TENM2: variants seen among roughly 807,000 people sequenced by gnomAD.
TENM2 encodes the protein teneurin transmembrane protein 2, also known as teneurin-2.
Under a neutral mutation model 245.2 loss-of-function variants are expected in TENM2, and 52 were observed. The observed-to-expected ratio is 0.21, with a 90% CI of 0.17 to 0.27. The LOEUF (loss-of-function observed/expected upper bound fraction) is 0.27, where lower values mean the gene tolerates loss of function less well. Ranked by LOEUF, TENM2 falls within the 10% of genes least tolerant of loss-of-function variation. The pLI is 1.00. For missense variants in TENM2, 3,046 were observed against 3,666.8 expected (o/e 0.83, Z 4.37); for synonymous variants, 1,363 against 1,438.9 (o/e 0.95, Z 1.19).
the TENM2 span, among the ~76,000 whole-genome samples, chr5:166,979,786 G>T: frequency 4.3e-4 from 65 of 152,236 alleles, no homozygotes; most frequent in Non-Finnish European, 7.2e-4. Context: ...GAGTTTCAGG[G>T]GGGGAGGGGA....
At chr5:168,094,120 C>T (rs1460062305) in intron 8 of TENM2, among the ~76,000 whole-genome samples, 4 of 149,434 alleles carry the variant, frequency 2.7e-5, no homozygotes, top group South Asian at 2.1e-4. Flanking sequence ...CAGTTCAGAT[C>T]GAGAGCTTGG....
the TENM2 span, among the ~76,000 whole-genome samples, chr5:167,091,073 TAACAG>T: frequency 9.9e-5 from 15 of 152,260 alleles, no homozygotes; most frequent in African/African-American, 2.9e-4. Context: ...AAATGGGAAA[TAACAG>T]AAGGAGAAAC....
chr5:167,601,268 C>A (rs912919694), intron 2 of TENM2, among the ~76,000 whole-genome samples: 1 of 152,250 alleles, frequency 6.6e-6, no homozygotes, highest in Non-Finnish European at 1.5e-5. Context: ...TCTAAACTCA[C>A]ATTTCTAAGA....
chr5:167,863,424 G>A (rs888908399), intron 2 of TENM2, among the ~76,000 whole-genome samples: 1 of 151,516 alleles, frequency 6.6e-6, no homozygotes, highest in East Asian at 1.9e-4. Context: ...AGACCAGTCT[G>A]GCCAACATGG....
intron 3 of TENM2, among the ~76,000 whole-genome samples, chr5:167,943,725 C>T (rs1006078498): frequency 2.4e-4 from 37 of 152,144 alleles, no homozygotes; most frequent in African/African-American, 8.0e-4. Context: ...ATCAACATAA[C>T]GTCTGGGCAT....
chr5:167,740,044 A>C (rs1761066407), intron 2 of TENM2, among the ~76,000 whole-genome samples: 1 of 152,184 alleles, frequency 6.6e-6, no homozygotes, highest in Non-Finnish European at 1.5e-5. Context: ...ATGTTTCATT[A>C]GTGAGTGGTG....
the TENM2 span, among the ~76,000 whole-genome samples, chr5:167,175,005 T>C: frequency 5.3e-3 from 810 of 152,290 alleles, 5 homozygotes; most frequent in African/African-American, 0.018. Context: ...AGTATCTTTT[T>C]CTTTTTTAAA....
upstream of TENM2, among the ~76,000 whole-genome samples, chr5:167,281,279 T>TA (rs1771052091): frequency 6.6e-6 from 1 of 151,590 alleles, no homozygotes; most frequent in Admixed American, 6.6e-5. Flanking sequence ...GGCTATTTTT[T>TA]TTTTTTTTTG....
chr5:167,016,008 A>G, the TENM2 span, among the ~76,000 whole-genome samples: 1 of 152,062 alleles, frequency 6.6e-6, no homozygotes, highest in Admixed American at 6.6e-5. Context: ...TAATCCCAGC[A>G]CTTTGGGAGG....
At chr5:167,091,478 G>A in the TENM2 span, among the ~76,000 whole-genome samples, 1 of 152,104 alleles carries the variant, frequency 6.6e-6, no homozygotes, top group Non-Finnish European at 1.5e-5. Flanking sequence ...ATGTCAAATT[G>A]TAGGCATATA....
exon 10 of TENM2, chr5:168,118,471 G>A (rs371610632): frequency 5.1e-6 from 8 of 1,557,740 alleles, no homozygotes; most frequent in East Asian, 4.5e-5. Context: ...CTACAAAGGC[G>A]AGCACTGTGA....
At chr5:168,252,785 T>C (rs1371197133) in intron 27 of TENM2, among the ~76,000 whole-genome samples, 1 of 150,640 alleles carries the variant, frequency 6.6e-6, no homozygotes, top group Non-Finnish European at 1.5e-5. Context: ...AGGCAGAGAT[T>C]GCAGTGAGCT....
At chr5:167,335,535 G>A (rs184737910) in intron 1 of TENM2, among the ~76,000 whole-genome samples, 2 of 151,718 alleles carry the variant, frequency 1.3e-5, no homozygotes, top group African/African-American at 2.4e-5. Context: ...CTACCATTTC[G>A]TTTTGCATAC....
the TENM2 span, among the ~76,000 whole-genome samples, chr5:167,279,754 T>C: frequency 6.6e-6 from 1 of 152,146 alleles, no homozygotes; most frequent in Non-Finnish European, 1.5e-5. Flanking sequence ...ATCTTCTATT[T>C]GGTTCCTGAG....
At chr5:167,380,356 T>C (rs1008737428) in intron 2 of TENM2, among the ~76,000 whole-genome samples, 6 of 152,006 alleles carry the variant, frequency 3.9e-5, no homozygotes, top group African/African-American at 1.2e-4. Context: ...AGTGAAAGGA[T>C]TGATGTTCTG....
At chr5:167,897,031 C>T (rs1561909089) in intron 3 of TENM2, among the ~76,000 whole-genome samples, 1 of 152,166 alleles carries the variant, frequency 6.6e-6, no homozygotes, top group Non-Finnish European at 1.5e-5. Context: ...GGTTGGTCTA[C>T]GATGGCAGAA....
At chr5:167,746,824 G>A (rs573842321) in intron 2 of TENM2, among the ~76,000 whole-genome samples, 7 of 152,020 alleles carry the variant, frequency 4.6e-5, no homozygotes, top group South Asian at 2.1e-4. Context: ...GTGTGTGTGC[G>A]TCTATGTGTG....
intron 2 of TENM2, among the ~76,000 whole-genome samples, chr5:167,507,530 C>A (rs1190236597): frequency 4.6e-5 from 7 of 152,114 alleles, no homozygotes; most frequent in Non-Finnish European, 1.0e-4. Context: ...ATATCTGTCA[C>A]CACCACACAC....
At chr5:167,159,688 T>C in the TENM2 span, among the ~76,000 whole-genome samples, 1 of 152,222 alleles carries the variant, frequency 6.6e-6, no homozygotes, top group South Asian at 2.1e-4. Flanking sequence ...GTTTTCTTTT[T>C]AGGAGGTGCT....
Sources: gnomAD v4.1 joint callset for allele counts (sites outside exome capture counted in the v4.1 genomes callset) on GRCh38, gnomAD v4.1.1 for gene constraint, MANE v1.5 for transcripts, NCBI Gene and HGNC (gene_info 2026-07-23, HGNC 2026-07-21) for gene names.